The following NOSTRIN variants were observed in gnomAD, a reference collection of about 807,000 sequenced individuals.
The protein encoded by NOSTRIN is nitric oxide synthase trafficking.
In NOSTRIN, 63 loss-of-function variants were observed where a neutral mutation model predicts 59.0. The ratio of observed to expected loss-of-function variants is 1.07; its 90% CI spans 0.87 to 1.32. NOSTRIN has a LOEUF of 1.32. Among genes scored for constraint, NOSTRIN ranks in the 40% most tolerant of loss-of-function variants. The pLI, the probability that NOSTRIN is intolerant of heterozygous loss-of-function variation, is 0.00. For synonymous variants in NOSTRIN, 200 were observed against 165.4 expected, an observed-to-expected ratio of 1.21 and a Z score of -1.61; for missense variants, 512 against 473.1, an observed-to-expected ratio of 1.08 and a Z score of -0.76.
At chr2:168,826,444 T>TC (rs1559116856) in intron 3 of NOSTRIN, among the ~76,000 whole-genome samples, 1 of 152,160 alleles carries the variant, frequency 6.6e-6, no homozygotes, top group Non-Finnish European at 1.5e-5. Context: ...CCTTTCTTTC[T>TC]CTTCCCTCCC....
intron 1 of NOSTRIN, among the ~76,000 whole-genome samples, chr2:168,803,480 G>A (rs1355802463): frequency 1.3e-5 from 2 of 152,156 alleles, no homozygotes; most frequent in East Asian, 3.8e-4. Flanking sequence ...AAACTGTGGG[G>A]CGGCAGATAA....
At chr2:168,794,744 G>A (rs1474427271), upstream of NOSTRIN, among the ~76,000 whole-genome samples, 1 of 151,962 alleles carries the variant, frequency 6.6e-6, no homozygotes, top group African/African-American at 2.4e-5. Context: ...GTGTAAAATG[G>A]CTTAAAAAAA....
At chr2:168,858,572 T>G (rs969331337) in intron 12 of NOSTRIN, among the ~76,000 whole-genome samples, 4 of 152,204 alleles carry the variant, frequency 2.6e-5, no homozygotes, top group African/African-American at 4.8e-5. Context: ...GAGGGCCACA[T>G]AGAAGAAGAA....
rs1231287318 is a variant in NOSTRIN at position 168,830,054 on chromosome 2, G to T, written c.343-1418G>T. 5.3e-5 allele frequency among the ~76,000 whole-genome samples: 8 copies of T among 152,204 alleles called. No homozygotes were observed. In the East Asian group the frequency reaches 1.5e-3, roughly 29 times the overall value. ...GGATGCTCTATTCAGAGTTTCGGGT[G>T]ATGGACAGAACTTGATAGGAATTGC... On this transcript the variant is annotated intron_variant, in intron 5 of 15. Transcript: ENST00000317647.
chr2:168,859,681 C>T (rs778835916), intron 13 of NOSTRIN, 44 bp downstream of exon 13: 1 of 1,606,194 alleles, frequency 6.2e-7, no homozygotes. Flanking sequence ...ATTGGGCCTG[C>T]TGGGTGGAGT....
chr2:168,808,447 C>T (rs900076215), intron 1 of NOSTRIN, among the ~76,000 whole-genome samples: 3 of 152,200 alleles, frequency 2.0e-5, no homozygotes, highest in African/African-American at 7.2e-5. Flanking sequence ...TTCTCCCATC[C>T]TCAGCCCCAG....
At chr2:168,854,265 TA>T (rs1688946274) in intron 10 of NOSTRIN, among the ~76,000 whole-genome samples, 1 of 152,244 alleles carries the variant, frequency 6.6e-6, no homozygotes. Context: ...CCCTTTGCTC[TA>T]AATCCTCACA....
chr2:168,790,614 G>C (rs1370436151), intron 2 of NOSTRIN, among the ~76,000 whole-genome samples: 2 of 152,198 alleles, frequency 1.3e-5, no homozygotes, highest in Admixed American at 1.3e-4. Context: ...TCATCTTCAA[G>C]TCTGTCAATG....
chr2:168,827,767 G>A (rs111832413), intron 3 of NOSTRIN, among the ~76,000 whole-genome samples: 9 of 151,628 alleles, frequency 5.9e-5, no homozygotes, highest in African/African-American at 1.7e-4. Context: ...AAAAGGTCTC[G>A]CTGTGTGTGT....
At chr2:168,795,006 C>A (rs1574247436), upstream of NOSTRIN, among the ~76,000 whole-genome samples, 2 of 152,232 alleles carry the variant, frequency 1.3e-5, no homozygotes, top group Admixed American at 6.5e-5. Flanking sequence ...CATCCACCAG[C>A]CTCTCAGTTG....
chr2:168,855,884 A>G, intron 11 of NOSTRIN: 1 of 452,548 alleles, frequency 2.2e-6, no homozygotes, highest in Non-Finnish European at 4.4e-6. Flanking sequence ...TTCTGTACGT[A>G]GAAGTTAGGC....
At chr2:168,841,277 G>GATATTGAAT (rs1471577131) in intron 7 of NOSTRIN, among the ~76,000 whole-genome samples, 2 of 102,118 alleles carry the variant, frequency 2.0e-5, no homozygotes, top group Non-Finnish European at 3.9e-5. Context: ...GAAAAAGAAA[G>GATATTGAAT]ATATTGAATG....
chr2:168,787,240 A>G (rs1685230175), intron 1 of NOSTRIN, among the ~76,000 whole-genome samples: 1 of 151,854 alleles, frequency 6.6e-6, no homozygotes, highest in African/African-American at 2.4e-5. Context: ...CCTCCACCCC[A>G]CTTCCTACCA....
intron 2 of NOSTRIN, among the ~76,000 whole-genome samples, chr2:168,818,594 A>T (rs1686548232): frequency 6.6e-6 from 1 of 152,182 alleles, no homozygotes; most frequent in African/African-American, 2.4e-5. Context: ...TTACATTTTA[A>T]TTAGCGCTTT....
intron 7 of NOSTRIN, among the ~76,000 whole-genome samples, chr2:168,836,530 C>T (rs193227737): frequency 3.9e-5 from 6 of 152,188 alleles, no homozygotes; most frequent in Non-Finnish European, 8.8e-5. Context: ...CACATAGAAG[C>T]GCTCATGATC....
intron 8 of NOSTRIN, 22 bp from the exon 9 acceptor site, chr2:168,851,062 C>A (rs994517130): frequency 7.5e-7 from 1 of 1,338,220 alleles, no homozygotes; most frequent in Non-Finnish European, 1.1e-6. Flanking sequence ...GCTGATCTTA[C>A]CCCAATTTTC....
In NOSTRIN at chr2:168,865,063, T is replaced by G; in HGVS notation, c.*93T>G. On this transcript the variant is annotated 3_prime_UTR_variant, in exon 16 of 16. Transcript: ENST00000317647. ...AAAGTGCTCTTACCTTTACATGTTTTTCTTTTGAAATGGATGGAGTTCTAC... is the reference window on the plus strand; with the variant it reads ...AAAGTGCTCTTACCTTTACATGTTTGTCTTTTGAAATGGATGGAGTTCTAC... 1 of 1,401,092 alleles carries G rather than the reference T, an allele frequency of 7.1e-7. No homozygotes were observed. Among genetic ancestry groups the G allele is most frequent in the South Asian group, 1.3e-5 (1 of 76,542 alleles). 86.8% of individuals were successfully genotyped at this position (1,401,092 alleles called of 1,614,324 possible).
intron 11 of NOSTRIN, 178 bp downstream of exon 11, chr2:168,855,638 C>CCCA: frequency 8.8e-6 from 1 of 113,856 alleles, no homozygotes; most frequent in Non-Finnish European, 1.7e-5. Flanking sequence ...AAAAGAAAGC[C>CCCA]AAAAAAAAAA....
In NOSTRIN at chr2:168,834,277, G is replaced by C. The variant is rs768104011; in HGVS notation, c.456G>C (p.Gln152His). The change falls in exon 7 of 16, where the codon CAG becomes CAC. Residue 152 changes from glutamine (Q) to histidine (H), a missense_variant. Gln to His is a conservative substitution (Grantham distance 24). Transcript: ENST00000317647. ...VSTKKHEALF[Q>H]LVESSKQSMT... The stretch of plus-strand genomic sequence containing the variant: ...CCAAGAAACATGAAGCACTTTTCCA[G>C]CTTGTAGAAAGCTCCAAGCAATCTA... The C allele has an allele frequency of 1.1e-6, 1 of 872,908 alleles. No homozygotes were observed. The highest frequency in any genetic ancestry group is 1.7e-5 in the Admixed American group (1 of 59,198). The allele number at this position is 872,908 out of a possible 1,614,324, so 54.1% of individuals were successfully genotyped here.
Sources: gnomAD v4.1 joint callset for allele counts (sites outside exome capture counted in the v4.1 genomes callset) on GRCh38, gnomAD v4.1.1 for gene constraint, MANE v1.5 for transcripts, NCBI Gene and HGNC (gene_info 2026-07-23, HGNC 2026-07-21) for gene names.